Variants in OPN4 observed in about 807,000 individuals in gnomAD.
OPN4 encodes opsin 4.
A neutral mutation model predicts 49.5 loss-of-function variants in OPN4; 43 were observed. The observed-to-expected ratio is 0.87, with a 90% CI of 0.68 to 1.12. OPN4 has a LOEUF of 1.12. Ranked by LOEUF, OPN4 falls within the 50% of genes most tolerant of loss-of-function variation. The pLI is 0.00. For missense variants in OPN4, 657 were observed against 643.9 expected, an observed-to-expected ratio of 1.02 and a Z score of -0.22; for synonymous variants, 263 against 258.0, an observed-to-expected ratio of 1.02 and a Z score of -0.19.
rs149963166 is a variant in OPN4, at chr10:86,659,488, G to T, written c.800+20G>T. The stretch of plus-strand genomic sequence containing the variant: ...AGGACGGTAAGAGCCGAGCATGGAG[G>T]GGGGCTACAGGAGGGGGACCGGCCC... On this transcript the variant is annotated intron_variant, in intron 5 of 9. Coordinates refer to ENST00000241891, the MANE Select transcript of OPN4 (RefSeq NM_033282.4). 62 of 1,611,420 alleles carry T rather than the reference G, an allele frequency of 3.8e-5. No homozygotes were observed. In the African/African-American group the frequency reaches 5.7e-4, roughly 15 times the overall value.
rs1268996018 is a variant in OPN4 at position 86,666,016 on chromosome 10, C to G, written c.*265C>G. 3 of 521,380 alleles carry G rather than the reference C, an allele frequency of 5.8e-6. No individual in the cohort carries two copies. The African/African-American group carries it at 5.8e-5, about 10-fold the overall frequency. The allele number at this position is 521,380 out of a possible 1,614,324, so 32.3% of individuals were successfully genotyped here. On this transcript the variant is annotated 3_prime_UTR_variant, in exon 10 of 10. Coordinates refer to ENST00000241891, the MANE Select transcript of OPN4 (RefSeq NM_033282.4). ...AGGGGTATGTGCCCAGGCCCTCCCA[C>G]TTCCCGAGTTGTCTGCCTCTCCTCA...
chr10:86,660,151 G>A (rs1004548786), intron 6 of OPN4, 92 bp downstream of exon 6: 52 of 1,425,378 alleles, frequency 3.6e-5, no homozygotes, highest in South Asian at 1.6e-4. Context: ...GCCCAACCCC[G>A]GCCAGCCATC....
intron 1 of OPN4, among the ~76,000 whole-genome samples, chr10:86,655,527 T>C (rs997782113): frequency 4.6e-5 from 7 of 151,964 alleles, no homozygotes; most frequent in Admixed American, 4.6e-4. Context: ...GGAGGAGTCT[T>C]TAAATCCCTT....
intron 8 of OPN4, among the ~76,000 whole-genome samples, 180 bp downstream of exon 8, chr10:86,662,612 C>T (rs1237098429): frequency 1.3e-5 from 2 of 152,240 alleles, no homozygotes; most frequent in Admixed American, 6.5e-5. Flanking sequence ...GTAATCCTCC[C>T]TGATAGGCAG....
chr10:86,658,214 C>G (rs369252897), intron 3 of OPN4, 49 bp downstream of exon 3: 3 of 1,603,122 alleles, frequency 1.9e-6, no homozygotes, highest in Non-Finnish European at 2.6e-6. Flanking sequence ...GGGTTTTGAC[C>G]TGGGGATGCC....
In OPN4 at chr10:86,660,013, C is replaced by G; in HGVS notation, c.919C>G (p.Leu307Val). ...IMLLVILLFV[L>V]SWAPYSAVAL... is the part of the protein sequence containing the mutation. ...GCTGCTGGTCATCCTCCTCTTCGTG[C>G]TCTCCTGGGCTCCCTATTCCGCTGT... Residue 307 changes from leucine to valine, a missense_variant, in exon 6 of 10, where the codon CTC (leucine) becomes GTC (valine). Leu to Val is a conservative substitution (Grantham distance 32, BLOSUM62 1). Transcript: ENST00000241891. The G allele has an allele frequency of 6.2e-7, 1 of 1,614,236 alleles. No homozygotes were observed.
intron 8 of OPN4, among the ~76,000 whole-genome samples, chr10:86,662,694 C>T (rs142609273): frequency 6.6e-6 from 1 of 152,352 alleles, no homozygotes; most frequent in African/African-American, 2.4e-5. Context: ...ACAGGTCTTC[C>T]AACTCCAGGC....
At position 86,662,286 on chromosome 10, in the gene OPN4, G is replaced by T; in HGVS notation, c.1108G>T (p.Val370Leu). The change falls in exon 8 of 10, where the codon GTG becomes TTG. Residue 370 changes from valine to leucine, a missense_variant. By Grantham distance (32) the Val-to-Leu change is conservative. Coordinates refer to ENST00000241891, the MANE Select transcript of OPN4 (RefSeq NM_033282.4). ...AIAQHLPCLG[V>L]LLGVSRRHSR... ...TGCCCAGCACCTGCCCTGCCTGGGG[G>T]TGCTGCTGGGTGTATCACGCCGGCA... 4 of 1,609,434 alleles carry T rather than the reference G, an allele frequency of 2.5e-6. No individual in the cohort carries two copies. The highest frequency in any genetic ancestry group is 2.5e-6 in the Non-Finnish European group (3 of 1,179,280).
At chr10:86,658,316 A>T in intron 3 of OPN4, 151 bp downstream of exon 3, 9 of 1,278,330 alleles carry the variant, frequency 7.0e-6, no homozygotes, top group Non-Finnish European at 9.8e-6. Flanking sequence ...CAAGAAGGGA[A>T]GATGCAGTGT....
chr10:86,661,709 G>A (rs911665947), intron 7 of OPN4, among the ~76,000 whole-genome samples: 2 of 77,784 alleles, frequency 2.6e-5, no homozygotes, highest in African/African-American at 1.1e-4. Flanking sequence ...CGCCCTCCCC[G>A]ACAGTGTCAT....
In OPN4 at chr10:86,661,338, C is replaced by G. The variant is rs1197106502; in HGVS notation, c.1023C>G (p.Ala341=). 6.2e-7 allele frequency: 1 copy of G among 1,614,012 alleles called. No homozygotes were observed. Among genetic ancestry groups the G allele is most frequent in the Non-Finnish European group, 8.5e-7 (1 of 1,180,022 alleles). ...MSSVPAVIAK[A]SAIHNPIIYA... is the part of the protein sequence containing the mutation. ...CGGTGCCAGCCGTCATCGCCAAGGC[C>G]TCTGCAATCCACAACCCCATCATTT... Residue 341 remains alanine (A), a synonymous_variant, in exon 7 of 10, where the codon GCC becomes GCG. Transcript: ENST00000241891.
intron 7 of OPN4, among the ~76,000 whole-genome samples, chr10:86,661,980 G>A (rs1368950619): frequency 6.6e-6 from 1 of 152,086 alleles, no homozygotes; most frequent in African/African-American, 2.4e-5. Context: ...GCCACTGAGG[G>A]CTGGAACCAA....
intron 4 of OPN4, among the ~76,000 whole-genome samples, chr10:86,659,045 G>A (rs1343603229): frequency 6.6e-6 from 1 of 152,232 alleles, no homozygotes; most frequent in Non-Finnish European, 1.5e-5. Flanking sequence ...GTAAGACCAG[G>A]CCTCTGGCTG....
intron 9 of OPN4, 51 bp from the exon 10 acceptor site, chr10:86,665,662 C>T (rs767801998): frequency 6.5e-7 from 1 of 1,532,214 alleles, no homozygotes; most frequent in East Asian, 2.2e-5. Flanking sequence ...CGGGAGACTG[C>T]CCCCAGTGAA....
chr10:86,655,809 C>G (rs1323728107), intron 1 of OPN4, among the ~76,000 whole-genome samples: 1 of 152,096 alleles, frequency 6.6e-6, no homozygotes, highest in Non-Finnish European at 1.5e-5. Context: ...AGGGATGCAC[C>G]CAGGAGTTGG....
chr10:86,659,617 G>A (rs1404699180), intron 5 of OPN4, 149 bp downstream of exon 5: 2 of 1,181,438 alleles, frequency 1.7e-6, no homozygotes, highest in African/African-American at 1.5e-5. Context: ...GGGCAGCAGT[G>A]TCTAGGGGAG....
intron 2 of OPN4, chr10:86,657,104 C>T (rs2132300211): frequency 1.3e-6 from 1 of 749,658 alleles, no homozygotes; most frequent in Non-Finnish European, 2.5e-6. Flanking sequence ...GGCTGCAGGG[C>T]CACACAGCCC....
intron 2 of OPN4, chr10:86,657,319 T>A: frequency 5.4e-6 from 4 of 747,394 alleles, no homozygotes; most frequent in Non-Finnish European, 1.0e-5. Flanking sequence ...GAGCATCTTG[T>A]CTGGAAAATG....
chr10:86,659,355 G>A lies in OPN4; in HGVS notation c.687G>A (p.Thr229=), dbSNP rs142009769. ...TSCSWDYMSF[T]PAVRAYTMLL... ...GCTCCTGGGACTACATGAGCTTCAC[G>A]CCGGCCGTGCGTGCCTACACCATGC... is the stretch of plus-strand genomic sequence containing the variant. The change falls in exon 5 of 10, where the codon ACG becomes ACA. Residue 229 remains threonine, a synonymous_variant. Transcript: ENST00000241891. 104 of 1,613,874 alleles carry A rather than the reference G, an allele frequency of 6.4e-5. 1 individual carries two copies. In the Middle Eastern group the frequency reaches 2.3e-3, roughly 36 times the overall value.
Sources: allele counts gnomAD v4.1 joint callset (sites outside exome capture counted in the v4.1 genomes callset), GRCh38; gene constraint gnomAD v4.1.1; transcripts MANE v1.5; gene names NCBI Gene and HGNC (gene_info 2026-07-23, HGNC 2026-07-21).